EMILIN2: variants seen among roughly 807,000 people sequenced by gnomAD.
EMILIN2 encodes elastin microfibril interfacer 2.
A neutral mutation model predicts 87.1 loss-of-function variants in EMILIN2; 71 were observed. The ratio of observed to expected loss-of-function variants is 0.82; its 90% CI spans 0.67 to 0.99. EMILIN2 has a LOEUF of 0.99. Ranked by LOEUF, EMILIN2 falls within the 50% of genes least tolerant of loss-of-function variation. The pLI is 0.00. For missense variants in EMILIN2, 1,407 were observed against 1,371.8 expected, an observed-to-expected ratio of 1.03 and a Z score of -0.40; for synonymous variants, 581 against 563.4, an observed-to-expected ratio of 1.03 and a Z score of -0.44.
intron 2 of EMILIN2, among the ~76,000 whole-genome samples, chr18:2,875,938 A>G (rs536700143): frequency 8.6e-5 from 13 of 151,094 alleles, no homozygotes; most frequent in Non-Finnish European, 1.8e-4. Flanking sequence ...ATTACCCTAT[A>G]TGATCAGGGC....
chr18:2,908,649 G>C (rs2076926256), intron 5 of EMILIN2, among the ~76,000 whole-genome samples: 1 of 152,198 alleles, frequency 6.6e-6, no homozygotes, highest in Non-Finnish European at 1.5e-5. Flanking sequence ...CTCAGTCACA[G>C]AGAAGTCTCC....
chr18:2,875,570 A>G (rs971526261), intron 2 of EMILIN2, among the ~76,000 whole-genome samples: 1 of 152,212 alleles, frequency 6.6e-6, no homozygotes, highest in Non-Finnish European at 1.5e-5. Flanking sequence ...CCAGTTAGCT[A>G]AGGCTCGTGG....
intron 2 of EMILIN2, among the ~76,000 whole-genome samples, chr18:2,876,217 G>A (rs765392823): frequency 6.6e-6 from 1 of 151,592 alleles, no homozygotes; most frequent in African/African-American, 2.4e-5. Context: ...TCTTGACCTC[G>A]TGATCCACCC....
chr18:2,857,643 T>C (rs1005181928), intron 2 of EMILIN2, among the ~76,000 whole-genome samples: 14 of 151,964 alleles, frequency 9.2e-5, no homozygotes, highest in African/African-American at 3.4e-4. Flanking sequence ...AGAACCTCTC[T>C]CCATTAAAGC....
chr18:2,858,555 A>G lies in EMILIN2; in HGVS notation c.257+10624A>G, dbSNP rs1468545185. 3.1e-3 allele frequency among the ~76,000 whole-genome samples: 160 copies of G among 52,292 alleles called. 3 individuals are homozygous for G. Among genetic ancestry groups the G allele is most frequent in the African/African-American group, 0.021 (144 of 6,846 alleles). The allele number at this position is 52,292 out of a possible 152,430, so 34.3% of individuals were successfully genotyped here. On this transcript the variant is annotated intron_variant, in intron 2 of 7. Coordinates refer to ENST00000254528, the MANE Select transcript of EMILIN2 (RefSeq NM_032048.3). ...TATATATATATATATATATATATAT[A>G]TATATATATATATATGTGTGTGTGT...
chr18:2,910,351 C>T (rs985459013), intron 7 of EMILIN2, among the ~76,000 whole-genome samples: 7 of 152,214 alleles, frequency 4.6e-5, no homozygotes, highest in African/African-American at 7.2e-5. Context: ...CTTTCTGCAG[C>T]GCCTGGCGTG....
chr18:2,905,452 G>T (rs539392468), intron 4 of EMILIN2, among the ~76,000 whole-genome samples: 1 of 151,408 alleles, frequency 6.6e-6, no homozygotes. Flanking sequence ...GGGGTAATAG[G>T]GTATCTATTA....
rs557665402 is a variant in EMILIN2, at chr18:2,858,229, T to C, written c.257+10298T>C. Among the ~76,000 whole-genome samples the C allele has an allele frequency of 2.0e-5, 3 of 151,854 alleles. No homozygotes were observed. The East Asian group carries it at 5.8e-4, about 29-fold the overall frequency. On this transcript the variant is annotated intron_variant, in intron 2 of 7. Coordinates refer to ENST00000254528, the MANE Select transcript of EMILIN2 (RefSeq NM_032048.3). The stretch of plus-strand genomic sequence containing the variant: ...TTGGTTACATGAGTAAATTCTTTAG[T>C]GGTGATTTATGAGATTTTGGTGCAC...
At chr18:2,898,133 T>C (rs659337) in intron 4 of EMILIN2, among the ~76,000 whole-genome samples, 149,437 of 152,286 alleles carry the variant, frequency 0.98, 73,374 homozygotes, top group Middle Eastern at 1. Context: ...TGTTCCTTTT[T>C]CCCAAGTTGC....
chr18:2,908,291 C>T (rs1379839291), intron 5 of EMILIN2, among the ~76,000 whole-genome samples: 5 of 152,192 alleles, frequency 3.3e-5, no homozygotes, highest in African/African-American at 9.7e-5. Context: ...TCCACCCTTC[C>T]ATCCAGCCAC....
intron 4 of EMILIN2, among the ~76,000 whole-genome samples, chr18:2,892,814 G>A (rs2076845538): frequency 6.7e-6 from 1 of 150,248 alleles, no homozygotes; most frequent in African/African-American, 2.5e-5. Flanking sequence ...CACTCTGGGA[G>A]TCAAAGGAGG....
chr18:2,857,125 T>C (rs1389443590), intron 2 of EMILIN2, among the ~76,000 whole-genome samples: 3 of 152,178 alleles, frequency 2.0e-5, no homozygotes, highest in Non-Finnish European at 4.4e-5. Context: ...TATTAGAAGA[T>C]GAGGGAATAC....
rs572423889 is a variant in EMILIN2, at chr18:2,868,005, C to T, written c.258-16959C>T. 3.3e-3 allele frequency among the ~76,000 whole-genome samples: 494 copies of T among 151,256 alleles called. 1 individual carries two copies. Among genetic ancestry groups the T allele is most frequent in the Non-Finnish European group, 5.1e-3 (342 of 67,620 alleles). ...CTGACCCCCCCACCTCCCTCCCGGA[C>T]GGGGTGGCTGCCGGGCGGAGATGCT... is the stretch of plus-strand genomic sequence containing the variant. On this transcript the variant is annotated intron_variant, in intron 2 of 7. Coordinates refer to ENST00000254528, the MANE Select transcript of EMILIN2 (RefSeq NM_032048.3).
At chr18:2,879,955 C>A (rs2076768763) in intron 2 of EMILIN2, among the ~76,000 whole-genome samples, 1 of 152,172 alleles carries the variant, frequency 6.6e-6, no homozygotes, top group Non-Finnish European at 1.5e-5. Flanking sequence ...AATCCTCAGT[C>A]CTTGGCCTCC....
Position 2,866,449 on chromosome 18 carries a change from A to T in EMILIN2, c.258-18515A>T, listed in dbSNP as rs145746526. 6.8e-3 allele frequency among the ~76,000 whole-genome samples: 1,036 copies of T among 152,268 alleles called. 12 individuals are homozygous for T. Among genetic ancestry groups the T allele is most frequent in the African/African-American group, 0.023 (944 of 41,550 alleles). On this transcript the variant is annotated intron_variant, in intron 2 of 7. Transcript: ENST00000254528. ...TTGTTTTTGTTTTTGTATCTATTGTAAAAGGGGTTGAGTTTGTGATTTGAT... is the reference window on the plus strand; with the variant it reads ...TTGTTTTTGTTTTTGTATCTATTGTTAAAGGGGTTGAGTTTGTGATTTGAT...
chr18:2,908,881 T>C (rs1348048607), intron 5 of EMILIN2, 62 bp from the exon 6 acceptor site: 6 of 1,602,404 alleles, frequency 3.7e-6, no homozygotes, highest in Non-Finnish European at 5.1e-6. Flanking sequence ...AAAAGGGGGC[T>C]CAGAACAAGG....
chr18:2,886,456 T>C (rs1197611717), intron 3 of EMILIN2, among the ~76,000 whole-genome samples: 1 of 152,260 alleles, frequency 6.6e-6, no homozygotes, highest in Non-Finnish European at 1.5e-5. Flanking sequence ...TTTTCTCATT[T>C]TCCCTTCCCA....
chr18:2,888,910 A>G lies in EMILIN2; in HGVS notation c.434-1651A>G, dbSNP rs192580153. Among the ~76,000 whole-genome samples the G allele has an allele frequency of 4.6e-5, 7 of 152,250 alleles. No individual in the cohort carries two copies. In the East Asian group the frequency reaches 1.4e-3, roughly 29 times the overall value. On this transcript the variant is annotated intron_variant, in intron 3 of 7. Coordinates refer to ENST00000254528, the MANE Select transcript of EMILIN2 (RefSeq NM_032048.3). ...GCTTGTGCAAAAGTTCAGAGGAGGAAAAAACAATGATCGTTGAATTCAAAT... is the reference window on the plus strand; with the variant it reads ...GCTTGTGCAAAAGTTCAGAGGAGGAGAAAACAATGATCGTTGAATTCAAAT...
chr18:2,868,122 T>C lies in EMILIN2; in HGVS notation c.258-16842T>C, dbSNP rs570980910. Among the ~76,000 whole-genome samples the C allele has an allele frequency of 1.2e-3, 177 of 150,184 alleles. 2 individuals carry two copies. The East Asian group carries it at 0.026, about 22-fold the overall frequency. On this transcript the variant is annotated intron_variant, in intron 2 of 7. Coordinates refer to ENST00000254528, the MANE Select transcript of EMILIN2 (RefSeq NM_032048.3). The stretch of plus-strand genomic sequence containing the variant: ...GTGGAGGGACTCCTGACTTCTCAGA[T>C]GGGGCGGTTGCCAGGCAGAGGGTCT...
Sources: allele counts gnomAD v4.1 joint callset (sites outside exome capture counted in the v4.1 genomes callset), GRCh38; gene constraint gnomAD v4.1.1; transcripts MANE v1.5; gene names NCBI Gene and HGNC (gene_info 2026-07-23, HGNC 2026-07-21).